Variants in PSD3 observed in about 807,000 individuals in gnomAD.
The protein encoded by PSD3 is PH and SEC7 domain-containing protein 3.
PSD3 carries 49 observed loss-of-function variants against 105.5 expected under a neutral mutation model. That is an observed-to-expected ratio of 0.46 (90% CI 0.37 to 0.59). The LOEUF (loss-of-function observed/expected upper bound fraction) is 0.59. Among genes scored for constraint, PSD3 ranks in the 20% least tolerant of loss-of-function variants. The pLI is 0.00. For synonymous variants in PSD3, 557 were observed against 457.8 expected, an observed-to-expected ratio of 1.22 and a Z score of -2.77; for missense variants, 1,561 against 1,263.8, an observed-to-expected ratio of 1.24 and a Z score of -3.57.
chr8:18,785,309 T>G (rs148584177), intron 8 of PSD3, among the ~76,000 whole-genome samples: 219 of 152,330 alleles, frequency 1.4e-3, no homozygotes, highest in Admixed American at 3.1e-3. Context: ...ATAGCTTGCC[T>G]CAGATTCTAC....
chr8:18,580,004 TG>T (rs758993467), intron 12 of PSD3, among the ~76,000 whole-genome samples: 47 of 152,184 alleles, frequency 3.1e-4, no homozygotes, highest in Non-Finnish European at 4.4e-4. Context: ...TAAAGCAAGC[TG>T]GGTCCTAAAT....
intron 4 of PSD3, among the ~76,000 whole-genome samples, chr8:18,846,160 C>T (rs1308889656): frequency 3.9e-5 from 6 of 152,096 alleles, no homozygotes; most frequent in African/African-American, 1.4e-4. Context: ...TCTTAATAAG[C>T]CATTTAACGC....
chr8:18,744,717 A>C (rs1250202029), intron 9 of PSD3, among the ~76,000 whole-genome samples: 1 of 152,194 alleles, frequency 6.6e-6, no homozygotes, highest in Non-Finnish European at 1.5e-5. Context: ...CAATTATCAA[A>C]ACCAGAACGT....
intron 1 of PSD3, among the ~76,000 whole-genome samples, chr8:18,970,394 T>C (rs1824575628): frequency 6.6e-6 from 1 of 150,388 alleles, no homozygotes; most frequent in South Asian, 2.1e-4. Flanking sequence ...ATATATCTAA[T>C]TACCGGCAAA....
At chr8:18,642,746 T>A (rs1807741614) in intron 10 of PSD3, among the ~76,000 whole-genome samples, 1 of 152,196 alleles carries the variant, frequency 6.6e-6, no homozygotes, top group Non-Finnish European at 1.5e-5. Flanking sequence ...ATATTTAAGC[T>A]TTTCACAATA....
chr8:18,706,630 T>A (rs1801918195), intron 9 of PSD3, among the ~76,000 whole-genome samples: 1 of 152,212 alleles, frequency 6.6e-6, no homozygotes, highest in Non-Finnish European at 1.5e-5. Context: ...ATATTTTTCA[T>A]CCAGCTGGCA....
chr8:18,750,267 C>A (rs567446222), intron 9 of PSD3, among the ~76,000 whole-genome samples: 88 of 152,164 alleles, frequency 5.8e-4, no homozygotes, highest in African/African-American at 2.0e-3. Flanking sequence ...CTTAAGGTGG[C>A]GCGTCTGGAG....
In PSD3 at chr8:18,534,218, T is replaced by C. The variant is rs560012495; in HGVS notation, c.*1525A>G. 1 of 152,658 alleles carries C rather than the reference T, an allele frequency of 6.6e-6. No individual in the cohort carries two copies. The highest frequency in any genetic ancestry group is 2.1e-4 in the South Asian group (1 of 4,826). 9.5% of individuals were successfully genotyped at this position (152,658 alleles called of 1,614,324 possible). A position where few individuals can be genotyped will look rare whatever the true frequency, so the allele number is the denominator to read the frequency against. On this transcript the variant is annotated 3_prime_UTR_variant, in exon 16 of 16. Transcript: ENST00000327040. ...AAATAAACTATAGAACTAGAGAAAC[T>C]TTCTAAGGGAGGAAAAAGAAAAATC... is the stretch of plus-strand genomic sequence containing the variant.
At chr8:19,070,651 A>G (rs1269629057) in intron 1 of PSD3, among the ~76,000 whole-genome samples, 1 of 152,158 alleles carries the variant, frequency 6.6e-6, no homozygotes, top group Non-Finnish European at 1.5e-5. Flanking sequence ...GCACTGTAGC[A>G]TGGGAGAGAA....
intron 1 of PSD3, among the ~76,000 whole-genome samples, chr8:18,948,359 G>A (rs1373406086): frequency 3.9e-5 from 6 of 152,166 alleles, no homozygotes; most frequent in African/African-American, 1.4e-4. Context: ...GAGAGCACTT[G>A]GGGATTTAAG....
chr8:18,600,101 C>T (rs1412529654), intron 12 of PSD3, among the ~76,000 whole-genome samples: 3 of 152,098 alleles, frequency 2.0e-5, no homozygotes, highest in Non-Finnish European at 4.4e-5. Flanking sequence ...TATAGGATGG[C>T]TATGCTGGAC....
chr8:18,636,157 T>C (rs1011114238), intron 10 of PSD3, among the ~76,000 whole-genome samples: 20 of 152,298 alleles, frequency 1.3e-4, no homozygotes, highest in South Asian at 8.3e-4. Flanking sequence ...GACAGTGATA[T>C]TGATGATCCT....
chr8:18,771,191 T>G (rs931271162), intron 8 of PSD3, among the ~76,000 whole-genome samples: 1 of 152,132 alleles, frequency 6.6e-6, no homozygotes, highest in African/African-American at 2.4e-5. Flanking sequence ...ATGGGTGGTT[T>G]TGGAAAAGGC....
At chr8:18,730,266 A>G (rs1043017694) in intron 9 of PSD3, 20 of 152,366 alleles carry the variant, frequency 1.3e-4, no homozygotes, top group African/African-American at 4.3e-4. Context: ...TGAAGGTACC[A>G]CAGCACAATC....
intron 11 of PSD3, among the ~76,000 whole-genome samples, chr8:18,602,196 A>G (rs1421966437): frequency 6.6e-6 from 1 of 151,724 alleles, no homozygotes; most frequent in Non-Finnish European, 1.5e-5. Context: ...CCTTTAGTTC[A>G]AAAATCTACA....
intron 14 of PSD3, among the ~76,000 whole-genome samples, chr8:18,569,594 G>A (rs1802022489): frequency 2.0e-5 from 1 of 48,956 alleles, no homozygotes; most frequent in South Asian, 1.0e-3. Flanking sequence ...ACTGCTCAAG[G>A]AAATAAAAGA....
At chr8:18,741,284 T>C (rs971804676) in intron 9 of PSD3, among the ~76,000 whole-genome samples, 1 of 152,144 alleles carries the variant, frequency 6.6e-6, no homozygotes, top group Admixed American at 6.5e-5. Flanking sequence ...CATTTTATGG[T>C]TAGAGAAAGT....
At chr8:19,021,663 G>A (rs770790591) in intron 1 of PSD3, among the ~76,000 whole-genome samples, 2 of 151,726 alleles carry the variant, frequency 1.3e-5, no homozygotes, top group Non-Finnish European at 2.9e-5. Flanking sequence ...ATTCCTGGTT[G>A]ACCAAAACTA....
chr8:18,629,921 T>G (rs987879791), intron 11 of PSD3, among the ~76,000 whole-genome samples: 1 of 151,896 alleles, frequency 6.6e-6, no homozygotes, highest in African/African-American at 2.4e-5. Flanking sequence ...TTAATGTGAT[T>G]TGGAAACCTT....
Sources: gnomAD v4.1 joint callset for allele counts (sites outside exome capture counted in the v4.1 genomes callset) on GRCh38, gnomAD v4.1.1 for gene constraint, MANE v1.5 for transcripts, NCBI Gene and HGNC (gene_info 2026-07-23, HGNC 2026-07-21) for gene names.